FBXO34: variants seen among roughly 807,000 people sequenced by gnomAD.
FBXO34 encodes the protein F-box only protein 34.
A neutral mutation model predicts 24.5 loss-of-function variants in FBXO34; 12 were observed. The ratio of observed to expected loss-of-function variants is 0.49; its 90% CI spans 0.31 to 0.79. FBXO34 has a LOEUF of 0.79. Ranked by LOEUF, FBXO34 falls within the 30% of genes least tolerant of loss-of-function variation. The pLI is 0.04. For synonymous variants in FBXO34, 320 were observed against 311.9 expected (o/e 1.03, Z -0.27); for missense variants, 823 against 857.7 (o/e 0.96, Z 0.51).
chr14:55,410,259 G>GTA, the FBXO34 span, among the ~76,000 whole-genome samples: 17 of 152,330 alleles, frequency 1.1e-4, no homozygotes, highest in Middle Eastern at 0.01. Context: ...GGACTTTAGA[G>GTA]AAGACTAGGT....
At chr14:55,411,906 G>T in the FBXO34 span, 11,522 of 1,307,964 alleles carry the variant, frequency 8.8e-3, 96 homozygotes, top group South Asian at 0.026. Flanking sequence ...CCTGGGGAAG[G>T]GGGGCTGGGA....
the FBXO34 span, among the ~76,000 whole-genome samples, chr14:55,380,873 ATAT>A: frequency 6.6e-3 from 602 of 90,888 alleles, 5 homozygotes; most frequent in African/African-American, 0.036. Context: ...ATATATATAT[ATAT>A]TTTTTTTTTT....
intron 1 of FBXO34, among the ~76,000 whole-genome samples, chr14:55,347,288 A>T (rs1005032537): frequency 2.0e-5 from 3 of 152,172 alleles, no homozygotes; most frequent in African/African-American, 7.2e-5. Context: ...AAGTGCCACC[A>T]TCTGTTGTAA....
At chr14:55,369,463 G>C, downstream of FBXO34, 2 of 690,892 alleles carry the variant, frequency 2.9e-6, no homozygotes, top group Middle Eastern at 4.5e-4. Context: ...TTGGCAAATA[G>C]AAATGTTTGT....
At chr14:55,411,513 C>T in the FBXO34 span, 32 of 1,309,550 alleles carry the variant, frequency 2.4e-5, no homozygotes, top group Admixed American at 1.4e-4. Context: ...ATCTGGTGCC[C>T]GGACGGGGAG....
chr14:55,365,434 C>T (rs11158037), downstream of FBXO34, among the ~76,000 whole-genome samples: 1 of 151,756 alleles, frequency 6.6e-6, no homozygotes, highest in Non-Finnish European at 1.5e-5. Context: ...CTTACCAAGT[C>T]GGCTGGTGGT....
At chr14:55,349,623 T>TTTG (rs1172371112) in intron 1 of FBXO34, among the ~76,000 whole-genome samples, 3 of 150,566 alleles carry the variant, frequency 2.0e-5, no homozygotes, top group African/African-American at 7.3e-5. Flanking sequence ...TTTTTTTTTT[T>TTTG]TTGAGACAAA....
chr14:55,323,614 G>A (rs1480782210), intron 1 of FBXO34, among the ~76,000 whole-genome samples: 1 of 151,890 alleles, frequency 6.6e-6, no homozygotes, highest in Non-Finnish European at 1.5e-5. Flanking sequence ...ATCTCCTGAC[G>A]TCATGATCCG....
rs528511625 is a variant in FBXO34, at chr14:55,324,766, C to T, written c.-10-25615C>T. Among the ~76,000 whole-genome samples the T allele has an allele frequency of 2.0e-5, 3 of 152,240 alleles. No homozygotes were observed. In the South Asian group the frequency reaches 6.2e-4, roughly 32 times the overall value. On this transcript the variant is annotated intron_variant, in intron 1 of 1. Coordinates refer to ENST00000313833, the MANE Select transcript of FBXO34 (RefSeq NM_017943.4). ...GAAGTTTTCCTCTATCCCTAGTTTG[C>T]TAAGAATTTTTATCAGGAATAAGTG...
At chr14:55,409,574 A>C in the FBXO34 span, among the ~76,000 whole-genome samples, 4 of 151,822 alleles carry the variant, frequency 2.6e-5, no homozygotes, top group Non-Finnish European at 5.9e-5. Context: ...AAAAAAAAAC[A>C]AAGGAGGCAG....
chr14:55,408,562 C>T, the FBXO34 span, among the ~76,000 whole-genome samples: 2 of 152,070 alleles, frequency 1.3e-5, no homozygotes, highest in Non-Finnish European at 2.9e-5. Context: ...GCTCAGCCCA[C>T]AGGTTCGAGA....
intron 1 of FBXO34, among the ~76,000 whole-genome samples, chr14:55,332,373 C>T (rs192139163): frequency 6.6e-6 from 1 of 152,096 alleles, no homozygotes; most frequent in African/African-American, 2.4e-5. Flanking sequence ...TTCAAAGTGT[C>T]GTTATGTAAA....
At chr14:55,312,174 T>C (rs1882765944) in intron 1 of FBXO34, among the ~76,000 whole-genome samples, 1 of 152,002 alleles carries the variant, frequency 6.6e-6, no homozygotes, top group Admixed American at 6.5e-5. Flanking sequence ...CACTCCAGCC[T>C]GGGAGACACA....
the FBXO34 span, chr14:55,433,636 G>T: frequency 6.2e-7 from 1 of 1,613,712 alleles, no homozygotes; most frequent in South Asian, 1.1e-5. Flanking sequence ...ATACCTTTTG[G>T]CTCCCGTGCA....
chr14:55,408,676 T>G, the FBXO34 span, among the ~76,000 whole-genome samples: 8 of 152,036 alleles, frequency 5.3e-5, no homozygotes, highest in Non-Finnish European at 1.0e-4. Flanking sequence ...AAGGTTAAGA[T>G]GGGAGGATTG....
the FBXO34 span, chr14:55,414,327 G>T: frequency 7.5e-7 from 1 of 1,337,950 alleles, no homozygotes; most frequent in Non-Finnish European, 1.0e-6. Flanking sequence ...TTTCTGTGCT[G>T]GGCTTATGGA....
intron 1 of FBXO34, among the ~76,000 whole-genome samples, chr14:55,276,829 T>C (rs1225488178): frequency 6.6e-6 from 1 of 152,170 alleles, no homozygotes; most frequent in Non-Finnish European, 1.5e-5. Flanking sequence ...TCCCACAGTA[T>C]CTTATCAGTT....
intron 1 of FBXO34, among the ~76,000 whole-genome samples, chr14:55,344,398 A>G (rs1884090509): frequency 6.6e-6 from 1 of 152,082 alleles, no homozygotes; most frequent in Admixed American, 6.6e-5. Flanking sequence ...ATCTCTATCC[A>G]GAAAACTTTC....
At chr14:55,411,761 G>A in the FBXO34 span, 1 of 1,606,898 alleles carries the variant, frequency 6.2e-7, no homozygotes, top group Non-Finnish European at 8.5e-7. Context: ...CCGGGCGAGC[G>A]GCCGGGGCCC....
Sources: allele counts gnomAD v4.1 joint callset (sites outside exome capture counted in the v4.1 genomes callset), GRCh38; gene constraint gnomAD v4.1.1; transcripts MANE v1.5; gene names NCBI Gene and HGNC (gene_info 2026-07-23, HGNC 2026-07-21).